PROX2: variants seen among roughly 807,000 people sequenced by gnomAD.
The protein encoded by PROX2 is prospero homeobox 2.
A neutral mutation model predicts 48.9 loss-of-function variants in PROX2; 46 were observed. The ratio of observed to expected loss-of-function variants is 0.94; its 90% CI spans 0.74 to 1.20. The LOEUF is 1.20. PROX2 is among the 50% of genes most tolerant of loss of function. The pLI is 0.00. For synonymous variants in PROX2, 260 were observed against 276.6 expected (o/e 0.94, Z 0.60); for missense variants, 663 against 719.4 (o/e 0.92, Z 0.90).
chr14:74,874,875 T>C (rs1330544207), intron 1 of PROX2, among the ~76,000 whole-genome samples: 1 of 152,120 alleles, frequency 6.6e-6, no homozygotes, highest in Non-Finnish European at 1.5e-5. Context: ...CTGGGCGGGG[T>C]GGCTCACGCC....
At chr14:74,875,773 T>G (rs1039138147) in intron 1 of PROX2, among the ~76,000 whole-genome samples, 122 bp downstream of exon 1, 4 of 152,176 alleles carry the variant, frequency 2.6e-5, no homozygotes, top group African/African-American at 7.2e-5. Context: ...GTGATGAGTA[T>G]AGGGGTGGGT....
rs1262062311 is a variant in PROX2, at chr14:74,863,933, G to A, written c.-99C>T. The A allele has an allele frequency of 3.8e-6, 5 of 1,325,406 alleles. No homozygotes were observed. Among genetic ancestry groups the A allele is most frequent in the Non-Finnish European group, 4.8e-6 (5 of 1,038,870 alleles). The allele number at this position is 1,325,406 out of a possible 1,614,324, so 82.1% of individuals were successfully genotyped here. A position where few individuals can be genotyped will look rare whatever the true frequency, so the allele number is the denominator to read the frequency against. ...TGGGCTTCCTCCTCTGCACTTAGAA[G>A]GGTAAAGAGCCACTGTCACTGAGGA... On this transcript the variant is annotated 5_prime_UTR_variant, in exon 3 of 6. Transcript: ENST00000556489.
chr14:74,873,313 A>G (rs1327597071), intron 1 of PROX2, among the ~76,000 whole-genome samples: 1 of 152,174 alleles, frequency 6.6e-6, no homozygotes, highest in Non-Finnish European at 1.5e-5. Flanking sequence ...GTGAACTTAC[A>G]CAAATTAACT....
chr14:74,873,796 G>A (rs997452329), intron 1 of PROX2: 20 of 460,614 alleles, frequency 4.3e-5, no homozygotes, highest in Non-Finnish European at 8.5e-5. Context: ...ATTGCAGCAT[G>A]TATGCTGTAT....
chr14:74,856,768 C>T (rs768259440), intron 5 of PROX2, 33 bp downstream of exon 5: 2 of 1,569,208 alleles, frequency 1.3e-6, no homozygotes, highest in Non-Finnish European at 1.8e-6. Context: ...AGACACTCAT[C>T]AGATCTCATG....
intron 1 of PROX2, among the ~76,000 whole-genome samples, chr14:74,875,423 T>C (rs1883319425): frequency 6.6e-6 from 1 of 152,118 alleles, no homozygotes; most frequent in Non-Finnish European, 1.5e-5. Context: ...GCCTCCTTGC[T>C]CTCTAGGAAA....
At chr14:74,861,194 G>T (rs1172689276) in intron 3 of PROX2, 3 of 1,351,972 alleles carry the variant, frequency 2.2e-6, no homozygotes, top group African/African-American at 2.9e-5. Flanking sequence ...CCAGGCAAAG[G>T]ACACGACTGT....
At chr14:74,862,167 T>G (rs1247831681) in intron 3 of PROX2, among the ~76,000 whole-genome samples, 2 of 152,184 alleles carry the variant, frequency 1.3e-5, no homozygotes, top group African/African-American at 4.8e-5. Flanking sequence ...CCTCTTCAAC[T>G]TTTAGTTTTC....
At chr14:74,858,775 AT>A (rs1205823119) in intron 3 of PROX2, 19 of 209,110 alleles carry the variant, frequency 9.1e-5, no homozygotes, top group South Asian at 3.4e-4. Context: ...AGGTTGGTGT[AT>A]TTTGTGTGTG....
Position 74,869,593 on chromosome 14 carries a change from T to C in PROX2, c.-175+1510A>G, listed in dbSNP as rs145061614. Among the ~76,000 whole-genome samples the C allele has an allele frequency of 2.2e-4, 33 of 152,288 alleles. 1 individual carries two copies. The East Asian group carries it at 6.2e-3, about 28-fold the overall frequency. Reference sequence around the variant, plus strand: ...ATGCCTGATCTCAACTTTTACTCTGTGTATTTCTATATTAATTGAATTTTT... The same window carrying C: ...ATGCCTGATCTCAACTTTTACTCTGCGTATTTCTATATTAATTGAATTTTT... On this transcript the variant is annotated intron_variant, in intron 2 of 5. Transcript: ENST00000556489.
At chr14:74,861,665 C>T (rs1429033569) in intron 3 of PROX2, among the ~76,000 whole-genome samples, 8 of 152,208 alleles carry the variant, frequency 5.3e-5, no homozygotes, top group Non-Finnish European at 1.0e-4. Flanking sequence ...CCCTAGTCTC[C>T]AGGCACTCCA....
intron 2 of PROX2, among the ~76,000 whole-genome samples, chr14:74,866,584 C>T (rs565039614): frequency 6.6e-6 from 1 of 152,226 alleles, no homozygotes; most frequent in South Asian, 2.1e-4. Flanking sequence ...GAGGCCAAGT[C>T]ACAAAGGGAT....
chr14:74,859,812 C>T (rs553027123), intron 3 of PROX2, among the ~76,000 whole-genome samples: 9 of 152,330 alleles, frequency 5.9e-5, no homozygotes, highest in African/African-American at 1.9e-4. Flanking sequence ...AGATCCCTCC[C>T]TGCTGCCCCA....
chr14:74,867,983 G>A (rs575149756), intron 2 of PROX2, among the ~76,000 whole-genome samples: 1 of 152,290 alleles, frequency 6.6e-6, no homozygotes, highest in African/African-American at 2.4e-5. Flanking sequence ...GGAAACCTCT[G>A]TGCTGAGGCC....
At chr14:74,864,037 A>G in intron 2 of PROX2, 29 bp from the exon 3 acceptor site, 1 of 475,760 alleles carries the variant, frequency 2.1e-6, no homozygotes, top group Non-Finnish European at 3.4e-6. Flanking sequence ...AGAAAAGAGT[A>G]CGTGTGACTT....
chr14:74,869,475 T>A (rs1023496220), intron 2 of PROX2, among the ~76,000 whole-genome samples: 3 of 152,092 alleles, frequency 2.0e-5, no homozygotes, highest in African/African-American at 7.2e-5. Flanking sequence ...ACAGGGTTTC[T>A]GCATGGTGGT....
intron 3 of PROX2, among the ~76,000 whole-genome samples, chr14:74,861,043 T>C (rs1566779339): frequency 6.6e-6 from 1 of 152,196 alleles, no homozygotes; most frequent in Non-Finnish European, 1.5e-5. Context: ...TTACAGTTGC[T>C]CGCTAACTTC....
chr14:74,869,159 G>A (rs1883150202), intron 2 of PROX2, among the ~76,000 whole-genome samples: 1 of 152,172 alleles, frequency 6.6e-6, no homozygotes, highest in South Asian at 2.1e-4. Context: ...ATTTCTAGAA[G>A]TGAAAATATT....
At chr14:74,865,761 G>A (rs1486226527) in intron 2 of PROX2, among the ~76,000 whole-genome samples, 1 of 151,486 alleles carries the variant, frequency 6.6e-6, no homozygotes, top group African/African-American at 2.4e-5. Context: ...AATCTGGGGG[G>A]CAGAGGTTGC....
Sources: allele counts gnomAD v4.1 joint callset (sites outside exome capture counted in the v4.1 genomes callset), GRCh38; gene constraint gnomAD v4.1.1; transcripts MANE v1.5; gene names NCBI Gene and HGNC (gene_info 2026-07-23, HGNC 2026-07-21).